SDR42E1: variants seen among roughly 807,000 people sequenced by gnomAD.
SDR42E1 encodes the protein short chain dehydrogenase/reductase family 42E, member 1.
In SDR42E1, 5 loss-of-function variants were observed where a neutral mutation model predicts 2.6. The observed-to-expected ratio is 1.94, with a 90% CI of 1.01 to 4.08. The LOEUF (loss-of-function observed/expected upper bound fraction) is 4.08, where lower values mean the gene tolerates loss of function less well. Among genes scored for constraint, SDR42E1 ranks in the 30% most tolerant of loss-of-function variants. The pLI is 0.00. For synonymous variants in SDR42E1, 231 were observed against 188.3 expected, an observed-to-expected ratio of 1.23 and a Z score of -1.86; for missense variants, 596 against 478.6, an observed-to-expected ratio of 1.25 and a Z score of -2.29.
At position 81,994,877 on chromosome 16, in the gene SDR42E1, A is replaced by G. The variant is rs929205988; in HGVS notation, c.*4234T>C. 8.5e-5 allele frequency: 13 copies of G among 152,196 alleles called. No homozygotes were observed. Among genetic ancestry groups the G allele is most frequent in the African/African-American group, 3.1e-4 (13 of 41,452 alleles). 9.4% of individuals were successfully genotyped at this position (152,196 alleles called of 1,614,324 possible). On this transcript the variant is annotated 3_prime_UTR_variant, in exon 3 of 3. Transcript: ENST00000328945. Reference sequence around the variant, plus strand: ...ATGTTAGATGGTTGAGGAAAATAAAACATTTTCTTGAAAAGAATCCCTAGG... The same window carrying G: ...ATGTTAGATGGTTGAGGAAAATAAAGCATTTTCTTGAAAAGAATCCCTAGG...
intron 1 of SDR42E1, among the ~76,000 whole-genome samples, chr16:82,001,524 G>A (rs998303185): frequency 2.0e-5 from 3 of 151,856 alleles, no homozygotes; most frequent in Non-Finnish European, 2.9e-5. Flanking sequence ...GGCCCTCCCC[G>A]CATTTCTTTC....
intron 1 of SDR42E1, among the ~76,000 whole-genome samples, chr16:82,009,143 G>A (rs1913043309): frequency 6.6e-6 from 1 of 152,240 alleles, no homozygotes; most frequent in Non-Finnish European, 1.5e-5. Context: ...ACTCCTGGAT[G>A]TCCAGGCAGA....
rs561073500 is a variant in SDR42E1 at position 82,010,878 on chromosome 16, A to C, written c.-27+509T>G. On this transcript the variant is annotated intron_variant, in intron 1 of 2. Transcript: ENST00000328945. ...GACCCGTCTCAGATTTTCAGGGCTCACTCCACCTCCACAATTTCTGTCACA... is the reference window on the plus strand; with the variant it reads ...GACCCGTCTCAGATTTTCAGGGCTCCCTCCACCTCCACAATTTCTGTCACA... Among the ~76,000 whole-genome samples the C allele has an allele frequency of 3.6e-3, 548 of 152,154 alleles. 6 individuals carry two copies. The highest frequency in any genetic ancestry group is 0.026 in the South Asian group (127 of 4,814).
chr16:82,002,867 C>T (rs1219901954), intron 1 of SDR42E1, among the ~76,000 whole-genome samples: 1 of 152,224 alleles, frequency 6.6e-6, no homozygotes, highest in African/African-American at 2.4e-5. Context: ...CGTATGGGCA[C>T]TCCACAGATG....
In SDR42E1 at chr16:82,000,068, A is replaced by T. The variant is rs768214139; in HGVS notation, c.225T>A (p.Cys75Ter). The T allele has an allele frequency of 2.5e-6, 4 of 1,614,218 alleles. No individual in the cohort carries two copies. Among genetic ancestry groups the T allele is most frequent in the Non-Finnish European group, 3.4e-6 (4 of 1,180,044 alleles). ...EKAFQDADVT[C>*]VFHIASYGMS... The stretch of plus-strand genomic sequence containing the variant: ...TACCATAAGAGGCAATATGGAACAC[A>T]CAAGTGACGTCTGCATCCTGGAAGG... Residue 75 changes from cysteine to a stop codon, truncating the protein, a stop_gained, in exon 3 of 3, where the codon TGT (cysteine) becomes TGA (stop). Coordinates refer to ENST00000328945, the MANE Select transcript of SDR42E1 (RefSeq NM_145168.3). LOFTEE classifies it low-confidence loss of function (END_TRUNC).
intron 1 of SDR42E1, among the ~76,000 whole-genome samples, chr16:82,002,746 G>A (rs562171489): frequency 2.0e-4 from 30 of 152,280 alleles, no homozygotes; most frequent in African/African-American, 7.2e-4. Context: ...TTTACCACAT[G>A]TGTTAAACAC....
rs566561523 is a variant in SDR42E1 at position 81,999,000 on chromosome 16, C to T, written c.*111G>A. On this transcript the variant is annotated 3_prime_UTR_variant, in exon 3 of 3. Transcript: ENST00000328945. The stretch of plus-strand genomic sequence containing the variant: ...AATCCAAGAACCTATTCTTAAGTAG[C>T]AATTTGAAGAGCCAATGTTTGGCAC... 6.8e-5 allele frequency: 76 copies of T among 1,121,820 alleles called. No homozygotes were observed. The South Asian group carries it at 1.1e-3, about 16-fold the overall frequency. 69.5% of individuals were successfully genotyped at this position (1,121,820 alleles called of 1,614,324 possible). A position where few individuals can be genotyped will look rare whatever the true frequency, so the allele number is the denominator to read the frequency against.
rs1409500262 is a variant in SDR42E1 at position 81,988,894 on chromosome 16, T to A, written c.*10217A>T. The A allele has an allele frequency of 1.3e-5, 2 of 152,230 alleles. No individual in the cohort carries two copies. The highest frequency in any genetic ancestry group is 1.3e-4 in the Admixed American group (2 of 15,282). The allele number at this position is 152,230 out of a possible 1,614,324, so 9.4% of individuals were successfully genotyped here. The stretch of plus-strand genomic sequence containing the variant: ...TTTTTTATTAATATTTCAATGTTGG[T>A]AGAATACTGCTACATACCCAGAATT... On this transcript the variant is annotated 3_prime_UTR_variant, in exon 3 of 3. Transcript: ENST00000328945.
rs1912545636 is a variant in SDR42E1, at chr16:81,996,546, G to A, written c.*2565C>T. 6.6e-6 allele frequency: 1 copy of A among 152,126 alleles called. No homozygotes were observed. Among genetic ancestry groups the A allele is most frequent in the African/African-American group, 2.4e-5 (1 of 41,396 alleles). The allele number at this position is 152,126 out of a possible 1,614,324, so 9.4% of individuals were successfully genotyped here. A position where few individuals can be genotyped will look rare whatever the true frequency, so the allele number is the denominator to read the frequency against. On this transcript the variant is annotated 3_prime_UTR_variant, in exon 3 of 3. Transcript: ENST00000328945. ...GCTACACTGGCTGACAGGTGCATGT[G>A]GGACATCCATGTGGAGTTGCAGAAG...
At position 81,990,295 on chromosome 16, in the gene SDR42E1, G is replaced by A. The variant is rs1912398433; in HGVS notation, c.*8816C>T. On this transcript the variant is annotated 3_prime_UTR_variant, in exon 3 of 3. Coordinates refer to ENST00000328945, the MANE Select transcript of SDR42E1 (RefSeq NM_145168.3). ...AGCCTGGTCGACAGAGTGACACCAT[G>A]TCTCAAAAGAAAAAAAGAAAAGCCA... 1 of 152,138 alleles carries A rather than the reference G, an allele frequency of 6.6e-6. No individual in the cohort carries two copies. The highest frequency in any genetic ancestry group is 2.1e-4 in the South Asian group (1 of 4,826). The allele number at this position is 152,138 out of a possible 1,614,324, so 9.4% of individuals were successfully genotyped here. A position where few individuals can be genotyped will look rare whatever the true frequency, so the allele number is the denominator to read the frequency against.
chr16:81,994,242 G>C lies in SDR42E1; in HGVS notation c.*4869C>G, dbSNP rs1407794481. The C allele has an allele frequency of 6.6e-6, 1 of 152,134 alleles. No homozygotes were observed. The highest frequency in any genetic ancestry group is 1.5e-5 in the Non-Finnish European group (1 of 68,058). The allele number at this position is 152,134 out of a possible 1,614,324, so 9.4% of individuals were successfully genotyped here. ...AGGACCTCCTCCCTCTCCATTTTTTGGCTCTTCTTAACACATAGCTGGACC... is the reference window on the plus strand; with the variant it reads ...AGGACCTCCTCCCTCTCCATTTTTTCGCTCTTCTTAACACATAGCTGGACC... On this transcript the variant is annotated 3_prime_UTR_variant, in exon 3 of 3. Transcript: ENST00000328945.
At position 81,999,217 on chromosome 16, in the gene SDR42E1, G is replaced by C; in HGVS notation, c.1076C>G (p.Ser359Cys). 3 of 1,614,184 alleles carry C rather than the reference G, an allele frequency of 1.9e-6. No homozygotes were observed. Among genetic ancestry groups the C allele is most frequent in the Non-Finnish European group, 2.5e-6 (3 of 1,180,030 alleles). The part of the protein sequence containing the change: ...WFKAHGHGRS[S>C]GSRDSECFVW... ...AAAACACTCCGAGTCACGACTTCCA[G>C]AACTTCTGCCATGACCATGGGCTTT... The change falls in exon 3 of 3, where the codon TCT (serine) becomes TGT (cysteine). Residue 359 changes from serine (S) to cysteine (C), a missense_variant. Transcript: ENST00000328945.
At chr16:82,008,763 G>A (rs1007144649) in intron 1 of SDR42E1, among the ~76,000 whole-genome samples, 4 of 152,254 alleles carry the variant, frequency 2.6e-5, no homozygotes, top group Admixed American at 1.3e-4. Flanking sequence ...CAAGCTGGCT[G>A]CAGAAATTTG....
In SDR42E1 at chr16:81,992,633, ATTTTT is replaced by A. The variant is rs1224466407; in HGVS notation, c.*6473_*6477del. ...AAATCTTGCATATTAGTAATGAAGA[ATTTTT>A]TAATTACTTGCATGCTTTAACCAGC... On this transcript the variant is annotated 3_prime_UTR_variant, in exon 3 of 3. Transcript: ENST00000328945. 1.3e-5 allele frequency: 2 copies of A among 152,194 alleles called. No homozygotes were observed. The highest frequency in any genetic ancestry group is 2.9e-5 in the Non-Finnish European group (2 of 68,026). The allele number at this position is 152,194 out of a possible 1,614,324, so 9.4% of individuals were successfully genotyped here.
chr16:81,991,886 T>C lies in SDR42E1; in HGVS notation c.*7225A>G, dbSNP rs886305450. The C allele has an allele frequency of 2.0e-5, 3 of 152,012 alleles. No individual in the cohort carries two copies. Among genetic ancestry groups the C allele is most frequent in the Admixed American group, 2.0e-4 (3 of 15,248 alleles). 9.4% of individuals were successfully genotyped at this position (152,012 alleles called of 1,614,324 possible). On this transcript the variant is annotated 3_prime_UTR_variant, in exon 3 of 3. Coordinates refer to ENST00000328945, the MANE Select transcript of SDR42E1 (RefSeq NM_145168.3). Reference sequence around the variant, plus strand: ...AAATTGATCTGTTTCTTAAAGACATTAAGAAAGCTAAATAAGCCTAAGAAA... The same window carrying C: ...AAATTGATCTGTTTCTTAAAGACATCAAGAAAGCTAAATAAGCCTAAGAAA...
intron 1 of SDR42E1, among the ~76,000 whole-genome samples, chr16:82,005,434 G>T (rs1047800693): frequency 2.9e-4 from 44 of 152,230 alleles, no homozygotes; most frequent in African/African-American, 1.1e-3. Flanking sequence ...CAGGATGGTA[G>T]CCATCTGCTG....
intron 1 of SDR42E1, among the ~76,000 whole-genome samples, 151 bp downstream of exon 1, chr16:82,011,236 T>C (rs1913114999): frequency 6.6e-6 from 1 of 152,138 alleles, no homozygotes; most frequent in East Asian, 1.9e-4. Context: ...GGAAGACATC[T>C]GAAAGGGGAT....
At position 81,989,911 on chromosome 16, in the gene SDR42E1, T is replaced by C. The variant is rs916611690; in HGVS notation, c.*9200A>G. ...TACTTGGGAGGCTGAGGCAGGAGAATTACTCGAACCTGGGAGGCGGAGGTT... is the reference window on the plus strand; with the variant it reads ...TACTTGGGAGGCTGAGGCAGGAGAACTACTCGAACCTGGGAGGCGGAGGTT... On this transcript the variant is annotated 3_prime_UTR_variant, in exon 3 of 3. Coordinates refer to ENST00000328945, the MANE Select transcript of SDR42E1 (RefSeq NM_145168.3). 2 of 152,222 alleles carry C rather than the reference T, an allele frequency of 1.3e-5. No individual in the cohort carries two copies. Among genetic ancestry groups the C allele is most frequent in the African/African-American group, 4.8e-5 (2 of 41,322 alleles). The allele number at this position is 152,222 out of a possible 1,614,324, so 9.4% of individuals were successfully genotyped here.
At chr16:82,000,650 T>C in intron 2 of SDR42E1, 141 bp downstream of exon 2, 3 of 653,588 alleles carry the variant, frequency 4.6e-6, no homozygotes, top group African/African-American at 1.8e-5. Context: ...TCAGCTGCAA[T>C]GTCTGAGCAG....
Sources: gnomAD v4.1 joint callset for allele counts (sites outside exome capture counted in the v4.1 genomes callset) on GRCh38, gnomAD v4.1.1 for gene constraint, MANE v1.5 for transcripts, NCBI Gene and HGNC (gene_info 2026-07-23, HGNC 2026-07-21) for gene names.